Variants in AP3B2 observed in about 807,000 individuals in gnomAD.
AP3B2 encodes adaptor related protein complex 3 subunit beta 2.
Under a neutral mutation model 126.9 loss-of-function variants are expected in AP3B2, and 50 were observed. The ratio of observed to expected loss-of-function variants is 0.39; its 90% CI spans 0.31 to 0.50. The LOEUF (loss-of-function observed/expected upper bound fraction) is 0.50, where lower values mean the gene tolerates loss of function less well. AP3B2 is among the 20% of genes least tolerant of loss of function. The probability of loss-of-function intolerance (pLI) is 0.79; values close to 1 mark genes in which losing one functional copy is unlikely to be tolerated. For synonymous variants in AP3B2, 541 were observed against 565.0 expected (o/e 0.96, Z 0.60); for missense variants, 1,177 against 1,426.4 (o/e 0.83, Z 2.82).
chr15:82,670,100 CT>C (rs1205984035), intron 14 of AP3B2, among the ~76,000 whole-genome samples: 24 of 62,478 alleles, frequency 3.8e-4, no homozygotes, highest in Non-Finnish European at 4.8e-4. Flanking sequence ...AAATCAGTGG[CT>C]TTTTTTTTTT....
rs533414798 is a variant in AP3B2, at chr15:82,704,528, A to C, written c.113+5066T>G. On this transcript the variant is annotated intron_variant, in intron 1 of 26. Coordinates refer to ENST00000535359, the MANE Select transcript of AP3B2 (RefSeq NM_001278512.2). ...CCTTCTCCATCAGGATCTTGCTTCA[A>C]GTGCCAGAAATCTGGCCACTGGGCC... is the stretch of plus-strand genomic sequence containing the variant. Among the ~76,000 whole-genome samples the C allele has an allele frequency of 3.3e-5, 5 of 152,366 alleles. No individual in the cohort carries two copies. In the East Asian group the frequency reaches 9.6e-4, roughly 29 times the overall value.
intron 10 of AP3B2, among the ~76,000 whole-genome samples, chr15:82,678,398 C>T (rs534981276): frequency 1.3e-4 from 20 of 152,294 alleles, no homozygotes; most frequent in African/African-American, 4.8e-4. Context: ...GACCATGTCA[C>T]CTCCCTACTG....
chr15:82,708,360 T>TCACA (rs2048829047), intron 1 of AP3B2, among the ~76,000 whole-genome samples: 2 of 151,994 alleles, frequency 1.3e-5, no homozygotes, highest in African/African-American at 4.8e-5. Context: ...GCTTTATTGT[T>TCACA]CAAAGCCTGT....
rs568729693 is a variant in AP3B2 at position 82,666,743 on chromosome 15, C to T, written c.1852+4G>A. On this transcript the variant is annotated splice_donor_region_variant and intron_variant, in intron 15 of 26. Transcript: ENST00000535359. ...GGAAGGTTACCCTTGATTTCAGCTC[C>T]CACCTTTGAAGGATGACTCCAAGAC... The T allele has an allele frequency of 1.2e-5, 20 of 1,612,554 alleles. No homozygotes were observed. The highest frequency in any genetic ancestry group is 5.3e-5 in the African/African-American group (4 of 75,012).
chr15:82,709,446 C>G (rs1488968278), intron 1 of AP3B2, 148 bp downstream of exon 1: 2 of 338,372 alleles, frequency 5.9e-6, no homozygotes, highest in African/African-American at 4.5e-5. Context: ...GCCGGGGCTC[C>G]AGGCCGCAGG....
intron 1 of AP3B2, among the ~76,000 whole-genome samples, chr15:82,702,774 A>C (rs961352501): frequency 1.3e-5 from 2 of 152,176 alleles, no homozygotes; most frequent in African/African-American, 2.4e-5. Context: ...GACGTGCGTG[A>C]AATTTGGTGC....
At chr15:82,693,831 G>C (rs1413933254) in intron 1 of AP3B2, among the ~76,000 whole-genome samples, 1 of 151,850 alleles carries the variant, frequency 6.6e-6, no homozygotes, top group Non-Finnish European at 1.5e-5. Flanking sequence ...CTCCAGAATA[G>C]CTGGGATTAC....
Position 82,666,908 on chromosome 15 carries a change from A to C in AP3B2, c.1691T>G (p.Leu564Arg). The part of the protein sequence containing the change: ...KQTKLLTQYV[L>R]SLAKYDQNYD... ...GTTCTGGTCATATTTGGCCAGACTC[A>C]GCACATACTGGGTCAGCAGCTTGGT... Residue 564 changes from leucine to arginine, a missense_variant, in exon 15 of 27, where the codon CTG (leucine) becomes CGG (arginine). Coordinates refer to ENST00000535359, the MANE Select transcript of AP3B2 (RefSeq NM_001278512.2). 6.2e-7 allele frequency: 1 copy of C among 1,613,264 alleles called. No homozygotes were observed.
chr15:82,667,816 G>C (rs2048085228), intron 14 of AP3B2, among the ~76,000 whole-genome samples: 4 of 152,158 alleles, frequency 2.6e-5, no homozygotes, highest in Admixed American at 2.6e-4. Context: ...CATCAGTACT[G>C]CACCTAGGCC....
chr15:82,668,669 C>T (rs748634506), intron 14 of AP3B2, among the ~76,000 whole-genome samples: 2 of 152,162 alleles, frequency 1.3e-5, no homozygotes, highest in Non-Finnish European at 2.9e-5. Flanking sequence ...TATAATAATT[C>T]ATTACCCTTC....
chr15:82,660,328 T>C (rs2151425675), intron 25 of AP3B2, among the ~76,000 whole-genome samples: 1 of 152,248 alleles, frequency 6.6e-6, no homozygotes, highest in South Asian at 2.1e-4. Context: ...TCACACCCTT[T>C]GATCTTTCCT....
At chr15:82,668,278 T>C (rs571227387) in intron 14 of AP3B2, among the ~76,000 whole-genome samples, 50 of 152,326 alleles carry the variant, frequency 3.3e-4, no homozygotes, top group African/African-American at 1.1e-3. Context: ...GATACTGTTA[T>C]AGTCACAGAT....
At chr15:82,676,313 G>A (rs1478496231) in intron 14 of AP3B2, 148 bp downstream of exon 14, 1 of 768,532 alleles carries the variant, frequency 1.3e-6, no homozygotes, top group African/African-American at 1.8e-5. Flanking sequence ...GGTAGCATTG[G>A]TTATGTGGGC....
At chr15:82,705,700 T>G (rs567185085) in intron 1 of AP3B2, among the ~76,000 whole-genome samples, 11 of 152,290 alleles carry the variant, frequency 7.2e-5, no homozygotes, top group Non-Finnish European at 1.6e-4. Flanking sequence ...ATAGTTCTCA[T>G]GAAAACACAC....
At chr15:82,662,504 C>T (rs951653872) in intron 23 of AP3B2, 190 bp downstream of exon 23, 1 of 690,006 alleles carries the variant, frequency 1.4e-6, no homozygotes. Context: ...CTGCAAGCAC[C>T]TCCCGCCCTG....
intron 14 of AP3B2, 49 bp from the exon 15 acceptor site, chr15:82,666,982 A>G (rs2151431272): frequency 2.6e-6 from 4 of 1,559,030 alleles, no homozygotes; most frequent in Middle Eastern, 1.7e-4. Context: ...ATGGGGACAC[A>G]GGAGGCTCAG....
rs74748885 is a variant in AP3B2 at position 82,666,571 on chromosome 15, G to A, written c.1852+176C>T. Among the ~76,000 whole-genome samples, 211 of 152,292 alleles carry A rather than the reference G, an allele frequency of 1.4e-3. 3 individuals are homozygous for A. The East Asian group carries it at 0.034, about 24-fold the overall frequency. ...GAGATGATGCTGGCAGTGGTTATGG[G>A]AGGGTGAAAGAGTAATTCCTGGTGC... On this transcript the variant is annotated intron_variant, in intron 15 of 26. Coordinates refer to ENST00000535359, the MANE Select transcript of AP3B2 (RefSeq NM_001278512.2).
At chr15:82,671,343 A>C (rs1596174250) in intron 14 of AP3B2, among the ~76,000 whole-genome samples, 2 of 152,340 alleles carry the variant, frequency 1.3e-5, no homozygotes, top group South Asian at 4.1e-4. Context: ...GCTTATATCC[A>C]AAAGATAGGC....
At chr15:82,677,575 C>A in intron 12 of AP3B2, 96 bp downstream of exon 12, 5 of 1,451,102 alleles carry the variant, frequency 3.4e-6, no homozygotes, top group Non-Finnish European at 4.6e-6. Context: ...CACATTGTGT[C>A]TAGGCAGACT....
Sources: allele counts gnomAD v4.1 joint callset (sites outside exome capture counted in the v4.1 genomes callset), GRCh38; gene constraint gnomAD v4.1.1; transcripts MANE v1.5; gene names NCBI Gene and HGNC (gene_info 2026-07-23, HGNC 2026-07-21).